Variants in MRPL43 observed in about 807,000 individuals in gnomAD.
MRPL43 encodes the protein mitochondrial ribosomal protein L43.
A neutral mutation model predicts 12.7 loss-of-function variants in MRPL43; 9 were observed. The observed-to-expected ratio is 0.71, with a 90% CI of 0.43 to 1.24. The LOEUF (loss-of-function observed/expected upper bound fraction) is 1.24, where lower values mean the gene tolerates loss of function less well. Ranked by LOEUF, MRPL43 falls within the 50% of genes most tolerant of loss-of-function variation. MRPL43 has a pLI of 0.00. For synonymous variants in MRPL43, 116 were observed against 96.4 expected, an observed-to-expected ratio of 1.20 and a Z score of -1.19; for missense variants, 211 against 229.2, an observed-to-expected ratio of 0.92 and a Z score of 0.51.
downstream of MRPL43, chr10:100,981,582 G>A: frequency 6.2e-7 from 1 of 1,609,968 alleles, no homozygotes; most frequent in Non-Finnish European, 8.5e-7. Flanking sequence ...CAGCTAAGAT[G>A]TATTAAGTAT....
downstream of MRPL43, chr10:100,984,570 C>T (rs962694375): frequency 1.3e-6 from 2 of 1,536,076 alleles, no homozygotes; most frequent in Non-Finnish European, 1.7e-6. Flanking sequence ...TGAAACCAGA[C>T]AAGACCTCTG....
downstream of MRPL43, chr10:100,979,786 C>T (rs1415761587): frequency 2.3e-5 from 36 of 1,591,514 alleles, no homozygotes; most frequent in South Asian, 2.1e-4. Flanking sequence ...AGGCTGAGCA[C>T]GAGTTGGGGG....
Position 100,987,251 on chromosome 10 carries a change from G to A in MRPL43, c.132-55C>T, listed in dbSNP as rs919378085. ...ACCCCTGACTGGGGGCGACCTACCCGGGGAGTCGTTGCCACCTCCACACCC... is the reference window on the plus strand; with the variant it reads ...ACCCCTGACTGGGGGCGACCTACCCAGGGAGTCGTTGCCACCTCCACACCC... On this transcript the variant is annotated intron_variant, in intron 1 of 2. Transcript: ENST00000318364. The A allele has an allele frequency of 2.9e-5, 46 of 1,612,300 alleles. No homozygotes were observed. In the East Asian group the frequency reaches 9.8e-4, roughly 34 times the overall value.
downstream of MRPL43, chr10:100,981,489 G>A: frequency 1.9e-6 from 3 of 1,614,224 alleles, no homozygotes; most frequent in Non-Finnish European, 2.5e-6. Flanking sequence ...GATGACAAGG[G>A]TTCAGGACGG....
At chr10:100,983,530 T>G, downstream of MRPL43, 1 of 1,614,106 alleles carries the variant, frequency 6.2e-7, no homozygotes, top group East Asian at 2.2e-5. Flanking sequence ...GAAAATGGCC[T>G]CCGCACCCTG....
chr10:100,986,927 T>C lies in MRPL43; in HGVS notation c.287A>G (p.Glu96Gly), dbSNP rs142003210. The C allele has an allele frequency of 6.2e-7, 1 of 1,610,058 alleles. No individual in the cohort carries two copies. The highest frequency in any genetic ancestry group is 8.5e-7 in the Non-Finnish European group (1 of 1,179,980). The change falls in exon 3 of 3, where the codon GAG (glutamate) becomes GGG (glycine). Residue 96 changes from glutamate to glycine, a missense_variant. Physicochemically the swap from Glu to Gly is moderately conservative, Grantham distance 98. Coordinates refer to ENST00000318364, the MANE Select transcript of MRPL43 (RefSeq NM_032112.3). Reference protein sequence around the residue: ...EESIHCKSVEEISTLVQKLAD... With the variant: ...EESIHCKSVEGISTLVQKLAD... ...CAGCTTCTGCACCAGCGTCGAGATC[T>C]CCTCGACCGACTTGCAGTGGATGCT...
downstream of MRPL43, chr10:100,981,575 C>A (rs376292699): frequency 4.5e-5 from 72 of 1,612,280 alleles, no homozygotes; most frequent in Middle Eastern, 9.9e-4. Context: ...ATCATCACAG[C>A]TAAGATGTAT....
downstream of MRPL43, chr10:100,985,234 A>G (rs1851382067): frequency 4.2e-6 from 1 of 240,538 alleles, no homozygotes; most frequent in Non-Finnish European, 8.1e-6. Context: ...GGAACTATGC[A>G]AAGGGCAGAG....
At chr10:100,979,949 G>A, downstream of MRPL43, 1 of 1,614,136 alleles carries the variant, frequency 6.2e-7, no homozygotes, top group Non-Finnish European at 8.5e-7. Flanking sequence ...TCCCGGCGCT[G>A]GGGTCGCTAT....
chr10:100,978,075 T>C, downstream of MRPL43: 2 of 583,894 alleles, frequency 3.4e-6, no homozygotes, highest in South Asian at 2.0e-5. Flanking sequence ...GGAGTGAATC[T>C]CTAGGTTGGC....
chr10:100,978,801 G>C (rs761582704), downstream of MRPL43: 25 of 1,598,798 alleles, frequency 1.6e-5, no homozygotes, highest in South Asian at 2.7e-4. Context: ...GTGAGGGAAA[G>C]GAATCCCCAG....
At position 100,986,601 on chromosome 10, in the gene MRPL43, T is replaced by C. The variant is rs750100604; in HGVS notation, c.*133A>G. 1.2e-6 allele frequency: 2 copies of C among 1,609,896 alleles called. No homozygotes were observed. The highest frequency in any genetic ancestry group is 2.2e-5 in the South Asian group (2 of 90,550). Reference sequence around the variant, plus strand: ...GAAAGAAACAGGCAGCTCTTCATTATCCCAAGCAGAACCTCTGTCAACTTG... The same window carrying C: ...GAAAGAAACAGGCAGCTCTTCATTACCCCAAGCAGAACCTCTGTCAACTTG... On this transcript the variant is annotated 3_prime_UTR_variant, in exon 3 of 3. Coordinates refer to ENST00000318364, the MANE Select transcript of MRPL43 (RefSeq NM_032112.3).
At position 100,986,525 on chromosome 10, in the gene MRPL43, T is replaced by A. The variant is rs1851481608; in HGVS notation, c.*209A>T. 6.4e-7 allele frequency: 1 copy of A among 1,552,560 alleles called. No homozygotes were observed. Among genetic ancestry groups the A allele is most frequent in the Admixed American group, 2.0e-5 (1 of 51,090 alleles). On this transcript the variant is annotated 3_prime_UTR_variant, in exon 3 of 3. Transcript: ENST00000318364. The stretch of plus-strand genomic sequence containing the variant: ...CATCTCAGGTTTTAGGGATGCCACT[T>A]GCATAAAAATGAGTGGTTCACAAGG...
At chr10:100,979,500 G>A (rs1850954965), downstream of MRPL43, 11 of 1,185,622 alleles carry the variant, frequency 9.3e-6, no homozygotes, top group Admixed American at 5.5e-5. Flanking sequence ...ATCCTGCCTC[G>A]GCCTCCCGAG....
downstream of MRPL43, chr10:100,979,180 C>T: frequency 6.2e-7 from 1 of 1,614,234 alleles, no homozygotes; most frequent in Non-Finnish European, 8.5e-7. Flanking sequence ...CCACATTCCA[C>T]TGTATGAGAC....
At chr10:100,979,457 A>G, downstream of MRPL43, 2 of 1,450,290 alleles carry the variant, frequency 1.4e-6, no homozygotes, top group Admixed American at 4.6e-5. Flanking sequence ...ATCTCGGCTC[A>G]CTGCAATCTC....
At chr10:100,985,021 G>A, downstream of MRPL43, 1 of 1,087,026 alleles carries the variant, frequency 9.2e-7, no homozygotes, top group Non-Finnish European at 1.3e-6. Context: ...CCTGTCTGTT[G>A]GGTTTAGTCC....
downstream of MRPL43, among the ~76,000 whole-genome samples, chr10:100,982,027 C>T (rs1851105478): frequency 7.1e-6 from 1 of 141,556 alleles, no homozygotes; most frequent in Non-Finnish European, 1.5e-5. Flanking sequence ...CATTGCACTC[C>T]AGCCTGGATA....
downstream of MRPL43, chr10:100,983,704 A>G (rs748554644): frequency 5.0e-6 from 8 of 1,613,344 alleles, no homozygotes; most frequent in South Asian, 2.2e-5. Context: ...TCCCTCCTCT[A>G]TGTGGCCTGT....
Sources: gnomAD v4.1 joint callset for allele counts (sites outside exome capture counted in the v4.1 genomes callset) on GRCh38, gnomAD v4.1.1 for gene constraint, MANE v1.5 for transcripts, NCBI Gene and HGNC (gene_info 2026-07-23, HGNC 2026-07-21) for gene names.